The following ITGA9 variants were observed in gnomAD, a reference collection of about 807,000 sequenced individuals.
ITGA9 encodes the protein integrin alpha-9.
In ITGA9, 56 loss-of-function variants were observed where a neutral mutation model predicts 127.8. The ratio of observed to expected loss-of-function variants is 0.44; its 90% CI spans 0.35 to 0.55. The LOEUF (loss-of-function observed/expected upper bound fraction) is 0.55. ITGA9 is among the 20% of genes least tolerant of loss of function. The pLI is 0.00. For missense variants in ITGA9, 1,196 were observed against 1,347.1 expected, an observed-to-expected ratio of 0.89 and a Z score of 1.76; for synonymous variants, 508 against 514.5, an observed-to-expected ratio of 0.99 and a Z score of 0.17.
At chr3:37,785,824 G>C (rs1205133362) in intron 26 of ITGA9, among the ~76,000 whole-genome samples, 3 of 152,082 alleles carry the variant, frequency 2.0e-5, no homozygotes, top group Non-Finnish European at 2.9e-5. Flanking sequence ...AAATTGCCAA[G>C]ACCTAGTAAC....
At chr3:37,553,013 T>TAA (rs10662748) in intron 15 of ITGA9, among the ~76,000 whole-genome samples, 19,570 of 136,940 alleles carry the variant, frequency 0.14, 2,579 homozygotes, top group African/African-American at 0.35. Flanking sequence ...AGACTCCATC[T>TAA]AAAAAAAAAA....
At chr3:37,785,633 A>C (rs1479114669) in intron 26 of ITGA9, among the ~76,000 whole-genome samples, 2 of 152,022 alleles carry the variant, frequency 1.3e-5, no homozygotes, top group Non-Finnish European at 2.9e-5. Flanking sequence ...TACCATGCCT[A>C]ATTTTTAAAT....
intron 23 of ITGA9, among the ~76,000 whole-genome samples, chr3:37,769,053 A>G (rs2125546333): frequency 6.6e-6 from 1 of 152,192 alleles, no homozygotes; most frequent in South Asian, 2.1e-4. Context: ...AAAATATACT[A>G]ATAGGCCAGG....
At chr3:37,747,913 G>A (rs919782116) in intron 22 of ITGA9, among the ~76,000 whole-genome samples, 1 of 151,748 alleles carries the variant, frequency 6.6e-6, no homozygotes, top group Non-Finnish European at 1.5e-5. Context: ...TGTGGAGAGG[G>A]GGTCGGGTTT....
chr3:37,462,991 G>T (rs1253818597), intron 1 of ITGA9, among the ~76,000 whole-genome samples: 1 of 152,160 alleles, frequency 6.6e-6, no homozygotes, highest in Non-Finnish European at 1.5e-5. Flanking sequence ...ACTCTTTAGG[G>T]CCTATTCTAC....
intron 15 of ITGA9, among the ~76,000 whole-genome samples, chr3:37,625,145 C>T (rs1700164353): frequency 6.6e-6 from 1 of 152,180 alleles, no homozygotes. Flanking sequence ...TGCTCTCTGC[C>T]TGATGTCCTA....
intron 15 of ITGA9, among the ~76,000 whole-genome samples, chr3:37,623,311 C>G (rs141924584): frequency 5.3e-5 from 8 of 152,344 alleles, no homozygotes; most frequent in African/African-American, 1.9e-4. Context: ...TTTCGCCCCT[C>G]AAGTCCTCAT....
chr3:37,506,077 A>T lies in ITGA9; in HGVS notation c.820A>T (p.Ile274Phe), dbSNP rs756029222. ...VVGGAPQDKG[I>F]GKVYIFRADR... Reference sequence around the variant, plus strand: ...AGGAGGTGCCCCACAGGACAAAGGCATCGGCAAGGTGAGGAGAAACATCTG... The same window carrying T: ...AGGAGGTGCCCCACAGGACAAAGGCTTCGGCAAGGTGAGGAGAAACATCTG... The change falls in exon 7 of 28, where the codon ATC becomes TTC. Residue 274 changes from isoleucine (I) to phenylalanine (F), a missense_variant. Physicochemically the swap from Ile to Phe is conservative, Grantham distance 21. Coordinates refer to ENST00000264741, the MANE Select transcript of ITGA9 (RefSeq NM_002207.3). The T allele has an allele frequency of 1.9e-6, 3 of 1,607,894 alleles. No homozygotes were observed. Among genetic ancestry groups the T allele is most frequent in the Non-Finnish European group, 2.5e-6 (3 of 1,176,712 alleles).
intron 26 of ITGA9, among the ~76,000 whole-genome samples, chr3:37,796,746 A>G (rs554135066): frequency 6.6e-6 from 1 of 152,354 alleles, no homozygotes; most frequent in Admixed American, 6.5e-5. Flanking sequence ...ATCTGATTTT[A>G]TAGCAGAAAT....
At chr3:37,478,021 A>G (rs1176887617) in intron 3 of ITGA9, among the ~76,000 whole-genome samples, 3 of 152,174 alleles carry the variant, frequency 2.0e-5, no homozygotes, top group Admixed American at 6.5e-5. Flanking sequence ...ACACATGCAG[A>G]AAAAGGTATA....
chr3:37,502,574 T>C (rs1350999829), intron 5 of ITGA9, among the ~76,000 whole-genome samples: 2 of 152,192 alleles, frequency 1.3e-5, no homozygotes, highest in African/African-American at 4.8e-5. Flanking sequence ...CTCTTCCAGT[T>C]TGTGTTTTTC....
chr3:37,478,568 T>C (rs549755739), intron 3 of ITGA9, among the ~76,000 whole-genome samples: 1 of 152,348 alleles, frequency 6.6e-6, no homozygotes, highest in East Asian at 1.9e-4. Flanking sequence ...CAAGTCTTGC[T>C]GTTTTCAGAG....
At chr3:37,572,705 A>G (rs776407687) in intron 15 of ITGA9, among the ~76,000 whole-genome samples, 2 of 152,244 alleles carry the variant, frequency 1.3e-5, no homozygotes, top group Non-Finnish European at 2.9e-5. Flanking sequence ...AAGGACTACA[A>G]TCCTTAGTTT....
rs1413256427 is a variant in ITGA9, at chr3:37,673,923, A to G, written c.1917-9942A>G. On this transcript the variant is annotated intron_variant, in intron 17 of 27. Coordinates refer to ENST00000264741, the MANE Select transcript of ITGA9 (RefSeq NM_002207.3). ...AGTCTCTAAATTTTGATCTCATAAT[A>G]CATATTCATGAAATGAGTGTATTTT... is the stretch of plus-strand genomic sequence containing the variant. 2.0e-5 allele frequency among the ~76,000 whole-genome samples: 3 copies of G among 152,234 alleles called. No homozygotes were observed. In the East Asian group the frequency reaches 5.8e-4, roughly 29 times the overall value.
At chr3:37,700,705 G>A (rs1263858713) in intron 18 of ITGA9, among the ~76,000 whole-genome samples, 4 of 152,220 alleles carry the variant, frequency 2.6e-5, no homozygotes, top group African/African-American at 2.4e-5. Context: ...GTGCCTGGAT[G>A]TGTGGTAGGA....
intron 26 of ITGA9, among the ~76,000 whole-genome samples, chr3:37,795,028 T>C (rs1415971128): frequency 1.3e-5 from 2 of 152,154 alleles, no homozygotes; most frequent in Non-Finnish European, 2.9e-5. Flanking sequence ...ACACCTGCAC[T>C]GGCTATTAGA....
intron 16 of ITGA9, among the ~76,000 whole-genome samples, chr3:37,636,173 C>T (rs1422072826): frequency 6.6e-6 from 1 of 152,086 alleles, no homozygotes; most frequent in African/African-American, 2.4e-5. Flanking sequence ...GGTCAAATGG[C>T]ATTTCTGGTT....
intron 1 of ITGA9, among the ~76,000 whole-genome samples, chr3:37,460,284 T>C (rs1417875250): frequency 6.6e-6 from 1 of 152,154 alleles, no homozygotes; most frequent in Non-Finnish European, 1.5e-5. Context: ...GAGAGGATGA[T>C]TTGTATCCTC....
At chr3:37,552,051 A>G (rs1188221199) in intron 15 of ITGA9, among the ~76,000 whole-genome samples, 1 of 152,252 alleles carries the variant, frequency 6.6e-6, no homozygotes, top group Admixed American at 6.5e-5. Flanking sequence ...AATCACAAGC[A>G]GGGGAAGTGG....
Sources: allele counts gnomAD v4.1 joint callset (sites outside exome capture counted in the v4.1 genomes callset), GRCh38; gene constraint gnomAD v4.1.1; transcripts MANE v1.5; gene names NCBI Gene and HGNC (gene_info 2026-07-23, HGNC 2026-07-21).